Variants in MNAT1 observed in about 807,000 individuals in gnomAD.
MNAT1 encodes the protein MNAT1 component of CDK activating kinase, also known as CDK-activating kinase assembly factor MAT1.
A neutral mutation model predicts 42.0 loss-of-function variants in MNAT1; 43 were observed. The observed-to-expected ratio is 1.02, with a 90% CI of 0.80 to 1.32. The LOEUF is 1.32. MNAT1 is among the 40% of genes most tolerant of loss of function. MNAT1 has a pLI of 0.00. For synonymous variants in MNAT1, 118 were observed against 120.0 expected, an observed-to-expected ratio of 0.98 and a Z score of 0.11; for missense variants, 306 against 350.4, an observed-to-expected ratio of 0.87 and a Z score of 1.01.
intron 6 of MNAT1, among the ~76,000 whole-genome samples, chr14:60,877,167 G>C (rs1250723223): frequency 2.0e-5 from 3 of 151,980 alleles, no homozygotes; most frequent in Non-Finnish European, 2.9e-5. Flanking sequence ...ATCTCACTGT[G>C]CTTTGACTTG....
At chr14:60,788,253 C>G (rs2031712804) in intron 1 of MNAT1, among the ~76,000 whole-genome samples, 1 of 152,086 alleles carries the variant, frequency 6.6e-6, no homozygotes, top group African/African-American at 2.4e-5. Flanking sequence ...TGGGCAGTAA[C>G]ATTTTGGAAG....
At chr14:60,780,324 C>A (rs1221996893) in intron 1 of MNAT1, 1 of 1,562,552 alleles carries the variant, frequency 6.4e-7, no homozygotes, top group Admixed American at 1.7e-5. Flanking sequence ...GACAGTGCAC[C>A]CAGAGAAAAG....
intron 7 of MNAT1, among the ~76,000 whole-genome samples, chr14:60,909,983 A>C (rs865948644): frequency 6.6e-6 from 1 of 151,992 alleles, no homozygotes; most frequent in Admixed American, 6.6e-5. Context: ...ATTTGTTTGT[A>C]TCCTCTTTTA....
intron 6 of MNAT1, among the ~76,000 whole-genome samples, chr14:60,875,480 A>G (rs916905617): frequency 6.6e-6 from 1 of 152,130 alleles, no homozygotes; most frequent in African/African-American, 2.4e-5. Context: ...GATCTTGCTC[A>G]GTCACAATAT....
intron 7 of MNAT1, among the ~76,000 whole-genome samples, chr14:60,924,611 A>G (rs1487729350): frequency 7.4e-6 from 1 of 134,638 alleles, no homozygotes; most frequent in Non-Finnish European, 1.6e-5. Flanking sequence ...CTGTAAAACT[A>G]GCTACACAAA....
At position 60,932,145 on chromosome 14, in the gene MNAT1, A is replaced by G. The variant is rs530476306; in HGVS notation, c.810-36084A>G. ...TGTACAAACCTATATATTAGGTTACATTAGAGTTCTGTTATCTTTTTTCTT... is the reference window on the plus strand; with the variant it reads ...TGTACAAACCTATATATTAGGTTACGTTAGAGTTCTGTTATCTTTTTTCTT... On this transcript the variant is annotated intron_variant, in intron 7 of 7. Coordinates refer to ENST00000261245, the MANE Select transcript of MNAT1 (RefSeq NM_002431.4). Among the ~76,000 whole-genome samples the G allele has an allele frequency of 2.7e-3, 407 of 152,158 alleles. 4 individuals carry two copies. Among genetic ancestry groups the G allele is most frequent in the East Asian group, 2.3e-3 (12 of 5,186 alleles).
intron 6 of MNAT1, among the ~76,000 whole-genome samples, chr14:60,838,041 C>T (rs2033441563): frequency 6.6e-6 from 1 of 152,118 alleles, no homozygotes. Context: ...TTTATGACCT[C>T]TCACTTTTTT....
chr14:60,836,835 C>G (rs1008269424), intron 6 of MNAT1, among the ~76,000 whole-genome samples: 9 of 152,182 alleles, frequency 5.9e-5, no homozygotes, highest in African/African-American at 1.9e-4. Context: ...GAAGCTGCAC[C>G]CATAGACTCC....
At chr14:60,962,499 T>A (rs941865945) in intron 7 of MNAT1, among the ~76,000 whole-genome samples, 6 of 152,298 alleles carry the variant, frequency 3.9e-5, no homozygotes, top group Admixed American at 3.9e-4. Context: ...TAAGTAGCTA[T>A]ATCTTCTGTG....
Position 60,969,540 on chromosome 14 carries a change from G to A in MNAT1, c.*1191G>A, listed in dbSNP as rs1489879412. On this transcript the variant is annotated 3_prime_UTR_variant, in exon 8 of 8. Coordinates refer to ENST00000261245, the MANE Select transcript of MNAT1 (RefSeq NM_002431.4). ...GAAAACCAAGGCATCAAATAATTGA[G>A]TAGACAAAGATCATATTCACAAGTT... The A allele has an allele frequency of 1.3e-5, 2 of 151,856 alleles. No homozygotes were observed. Among genetic ancestry groups the A allele is most frequent in the African/African-American group, 4.8e-5 (2 of 41,376 alleles). The allele number at this position is 151,856 out of a possible 1,614,324, so 9.4% of individuals were successfully genotyped here.
At chr14:60,794,660 A>AAT (rs67332094) in intron 1 of MNAT1, among the ~76,000 whole-genome samples, 1,222 of 28,762 alleles carry the variant, frequency 0.042, 32 homozygotes, top group Middle Eastern at 0.11. Context: ...AAAAAAAAAA[A>AAT]ATATATATAT....
At chr14:60,916,361 A>G (rs1213218487) in intron 7 of MNAT1, among the ~76,000 whole-genome samples, 2 of 152,216 alleles carry the variant, frequency 1.3e-5, no homozygotes, top group Non-Finnish European at 2.9e-5. Flanking sequence ...CATTATATAA[A>G]TGTAAGCATT....
intron 7 of MNAT1, among the ~76,000 whole-genome samples, chr14:60,947,199 G>GT (rs776185243): frequency 2.6e-4 from 39 of 152,100 alleles, no homozygotes; most frequent in South Asian, 4.2e-4. Context: ...GAACACAGCT[G>GT]TTTTTTTAAA....
At chr14:60,947,896 C>T (rs949517153) in intron 7 of MNAT1, among the ~76,000 whole-genome samples, 4 of 152,118 alleles carry the variant, frequency 2.6e-5, no homozygotes, top group Admixed American at 1.3e-4. Flanking sequence ...ATCTTCCAGG[C>T]TCCAGACCTG....
chr14:60,944,959 C>G (rs2036243106), intron 7 of MNAT1, among the ~76,000 whole-genome samples: 1 of 152,086 alleles, frequency 6.6e-6, no homozygotes, highest in Admixed American at 6.6e-5. Flanking sequence ...TTAGAAAACT[C>G]TTACTGTAAA....
chr14:60,786,936 G>C (rs568260172), intron 1 of MNAT1, among the ~76,000 whole-genome samples: 1 of 152,178 alleles, frequency 6.6e-6, no homozygotes, highest in Admixed American at 6.5e-5. Context: ...TGGAAGTAAA[G>C]ACATACCTTA....
At chr14:60,829,967 C>T (rs566177598) in intron 6 of MNAT1, among the ~76,000 whole-genome samples, 8 of 151,990 alleles carry the variant, frequency 5.3e-5, no homozygotes, top group African/African-American at 1.7e-4. Flanking sequence ...GTTGGTGTTG[C>T]GGATATAGTA....
intron 6 of MNAT1, among the ~76,000 whole-genome samples, chr14:60,868,697 C>T (rs554985037): frequency 6.6e-6 from 1 of 152,138 alleles, no homozygotes; most frequent in South Asian, 2.1e-4. Flanking sequence ...ATGATGAATG[C>T]CACAGAGTAA....
At chr14:60,941,320 A>G (rs1055819519) in intron 7 of MNAT1, among the ~76,000 whole-genome samples, 1 of 152,236 alleles carries the variant, frequency 6.6e-6, no homozygotes, top group African/African-American at 2.4e-5. Context: ...GATGCTTTCA[A>G]TAACATAGTT....
Sources: allele counts gnomAD v4.1 joint callset (sites outside exome capture counted in the v4.1 genomes callset), GRCh38; gene constraint gnomAD v4.1.1; transcripts MANE v1.5; gene names NCBI Gene and HGNC (gene_info 2026-07-23, HGNC 2026-07-21).